The following AQR variants were observed in gnomAD, a reference collection of about 807,000 sequenced individuals.
The protein encoded by AQR is aquarius intron-binding spliceosomal factor.
In AQR, 61 loss-of-function variants were observed where a neutral mutation model predicts 180.5. The ratio of observed to expected loss-of-function variants is 0.34; its 90% CI spans 0.28 to 0.42. The LOEUF (loss-of-function observed/expected upper bound fraction) is 0.42, where lower values mean the gene tolerates loss of function less well. Ranked by LOEUF, AQR falls within the 10% of genes least tolerant of loss-of-function variation. The probability of loss-of-function intolerance (pLI) is 1.00; values close to 1 mark genes in which losing one functional copy is unlikely to be tolerated. For synonymous variants in AQR, 551 were observed against 588.8 expected (o/e 0.94, Z 0.93); for missense variants, 1,281 against 1,798.3 (o/e 0.71, Z 5.20).
chr15:34,964,369 G>A, intron 1 of AQR, 79 bp from the exon 2 acceptor site: 1 of 1,231,780 alleles, frequency 8.1e-7, no homozygotes, highest in Non-Finnish European at 1.2e-6. Flanking sequence ...TTAGTGATAA[G>A]CGGTTTCTTA....
intron 15 of AQR, among the ~76,000 whole-genome samples, chr15:34,915,389 A>G (rs1490136471): frequency 6.6e-6 from 1 of 151,554 alleles, no homozygotes; most frequent in African/African-American, 2.4e-5. Flanking sequence ...ACAGGGTTTC[A>G]CTATGTTGGC....
rs1453203410 is a variant in AQR, at chr15:34,855,649, T to G, written c.*1143A>C. On this transcript the variant is annotated 3_prime_UTR_variant, in exon 35 of 35. Transcript: ENST00000156471. ...TAATTCTACATTATAGCCTCATTCA[T>G]GTGAAGACAACACAGTAATCTTAGT... The G allele has an allele frequency of 1.3e-5, 2 of 152,144 alleles. No homozygotes were observed. 9.4% of individuals were successfully genotyped at this position (152,144 alleles called of 1,614,324 possible). A position where few individuals can be genotyped will look rare whatever the true frequency, so the allele number is the denominator to read the frequency against.
At chr15:34,912,063 T>G (rs1320111638) in intron 16 of AQR, among the ~76,000 whole-genome samples, 1 of 152,198 alleles carries the variant, frequency 6.6e-6, no homozygotes, top group Non-Finnish European at 1.5e-5. Flanking sequence ...TCTTGGCACA[T>G]GCATCGAAGA....
chr15:34,895,203 T>A lies in AQR; in HGVS notation c.2461-1430A>T, dbSNP rs867812164. On this transcript the variant is annotated intron_variant, in intron 22 of 34. Coordinates refer to ENST00000156471, the MANE Select transcript of AQR (RefSeq NM_014691.3). Reference sequence around the variant, plus strand: ...AAAAAAAAAAATATATATATATATATATATATATATATATATATGAAACAA... The same window carrying A: ...AAAAAAAAAAATATATATATATATAAATATATATATATATATATGAAACAA... Among the ~76,000 whole-genome samples, 218 of 69,406 alleles carry A rather than the reference T, an allele frequency of 3.1e-3. 3 individuals are homozygous for A. Among genetic ancestry groups the A allele is most frequent in the African/African-American group, 4.5e-3 (83 of 18,554 alleles). 45.5% of individuals were successfully genotyped at this position (69,406 alleles called of 152,430 possible). A position where few individuals can be genotyped will look rare whatever the true frequency, so the allele number is the denominator to read the frequency against.
intron 5 of AQR, among the ~76,000 whole-genome samples, chr15:34,946,559 G>A (rs561818094): frequency 4.9e-5 from 7 of 142,866 alleles, no homozygotes; most frequent in African/African-American, 1.0e-4. Context: ...CTGGCCAGCC[G>A]CCCCGTCCGG....
At chr15:34,937,940 T>C (rs1031417654) in intron 9 of AQR, among the ~76,000 whole-genome samples, 4 of 149,876 alleles carry the variant, frequency 2.7e-5, no homozygotes, top group African/African-American at 9.7e-5. Context: ...ATAATTTTAA[T>C]ATAGTATATA....
At chr15:34,899,061 T>A (rs1026527493) in intron 20 of AQR, among the ~76,000 whole-genome samples, 5 of 151,356 alleles carry the variant, frequency 3.3e-5, no homozygotes, top group Non-Finnish European at 5.9e-5. Context: ...TCCCAGCTAC[T>A]CCGGAGGCTG....
chr15:34,896,626 T>A (rs940022420), intron 22 of AQR, among the ~76,000 whole-genome samples: 2 of 150,782 alleles, frequency 1.3e-5, no homozygotes, highest in African/African-American at 4.9e-5. Flanking sequence ...GGCAGGTGGA[T>A]CACCTGAGGT....
chr15:34,914,959 T>C, intron 16 of AQR, 79 bp downstream of exon 16: 1 of 1,407,154 alleles, frequency 7.1e-7, no homozygotes, highest in South Asian at 1.6e-5. Context: ...TATTTCTAAA[T>C]ATACTTATAA....
At chr15:34,912,008 G>T (rs541053973) in intron 16 of AQR, among the ~76,000 whole-genome samples, 1 of 152,142 alleles carries the variant, frequency 6.6e-6, no homozygotes, top group South Asian at 2.1e-4. Context: ...TTTACAAGTA[G>T]ATATCTAGCT....
Position 34,944,369 on chromosome 15 carries a change from T to C in AQR, c.390A>G (p.Ala130=), listed in dbSNP as rs367871105. The C allele has an allele frequency of 5.3e-5, 86 of 1,611,168 alleles. No individual in the cohort carries two copies. The highest frequency in any genetic ancestry group is 7.6e-6 in the Non-Finnish European group (9 of 1,178,932). ...PFFFKHILKA[A]LAETDGEFSL... ...AAAATTCACCATCAGTTTCAGCTAA[T>C]GCCGCCTTCAAGATGTGTTTAAAAA... The change falls in exon 6 of 35, where the codon GCA becomes GCG. Residue 130 remains alanine (A), a synonymous_variant. Coordinates refer to ENST00000156471, the MANE Select transcript of AQR (RefSeq NM_014691.3).
chr15:34,884,555 C>T lies in AQR; in HGVS notation c.2997G>A (p.Arg999=). The part of the protein sequence containing the change: ...EDMEIAEGCF[R]HIKKIFTQLE... ...GCTGCGTAAAGATTTTCTTAATATG[C>T]CTGAAACATCCTTCAGCAATTTCCA... Residue 999 remains arginine, a synonymous_variant, in exon 26 of 35, where the codon AGG becomes AGA. Coordinates refer to ENST00000156471, the MANE Select transcript of AQR (RefSeq NM_014691.3). 1.3e-6 allele frequency: 2 copies of T among 1,598,990 alleles called. No individual in the cohort carries two copies. The highest frequency in any genetic ancestry group is 1.7e-6 in the Non-Finnish European group (2 of 1,175,584).
intron 27 of AQR, among the ~76,000 whole-genome samples, chr15:34,880,840 C>G (rs2140466401): frequency 6.6e-6 from 1 of 152,206 alleles, no homozygotes; most frequent in Admixed American, 6.5e-5. Flanking sequence ...AGGACAAAAT[C>G]TAAAAGAGTC....
At chr15:34,908,263 C>T (rs1595793615) in intron 17 of AQR, among the ~76,000 whole-genome samples, 1 of 152,196 alleles carries the variant, frequency 6.6e-6, no homozygotes, top group South Asian at 2.1e-4. Flanking sequence ...TGGTGAAACC[C>T]CGTCTCTACT....
chr15:34,865,278 T>C (rs1217683147), intron 32 of AQR, among the ~76,000 whole-genome samples: 4 of 152,118 alleles, frequency 2.6e-5, no homozygotes, highest in South Asian at 2.1e-4. Flanking sequence ...TGCATTTCTA[T>C]TGGTAGCTAG....
At chr15:34,911,442 T>G (rs1175994551) in intron 16 of AQR, among the ~76,000 whole-genome samples, 1 of 152,186 alleles carries the variant, frequency 6.6e-6, no homozygotes, top group East Asian at 1.9e-4. Context: ...CTCCACATCC[T>G]TGCAAACACT....
rs1305403074 is a variant in AQR at position 34,964,235 on chromosome 15, T to G, written c.131A>C (p.Lys44Thr). 1 of 1,600,468 alleles carries G rather than the reference T, an allele frequency of 6.2e-7. No homozygotes were observed. Among genetic ancestry groups the G allele is most frequent in the Admixed American group, 1.7e-5 (1 of 59,516 alleles). The change falls in exon 2 of 35, where the codon AAG (lysine) becomes ACG (threonine). Residue 44 changes from lysine to threonine, a missense_variant and splice_region_variant. Transcript: ENST00000156471. ...HIKKKSPFDI[K>T]VIEDIYEKEI... is the part of the protein sequence containing the mutation. Reference sequence around the variant, plus strand: ...TATGTTGAAACCAAAAATACTTACCTTTATATCAAAAGGTGATTTCTTCTT... The same window carrying G: ...TATGTTGAAACCAAAAATACTTACCGTTATATCAAAAGGTGATTTCTTCTT...
chr15:34,916,882 CAAAAAAAAA>C (rs71119988), intron 15 of AQR, among the ~76,000 whole-genome samples: 18 of 79,230 alleles, frequency 2.3e-4, no homozygotes, highest in African/African-American at 8.6e-4. Flanking sequence ...TTCAGCAGAA[CAAAAAAAAA>C]AAAAAAAAAA....
In AQR at chr15:34,967,557, A is replaced by C. The variant is rs539997233; in HGVS notation, c.75+1982T>G. 9.8e-5 allele frequency among the ~76,000 whole-genome samples: 15 copies of C among 152,292 alleles called. No individual in the cohort carries two copies. The South Asian group carries it at 2.9e-3, about 29-fold the overall frequency. On this transcript the variant is annotated intron_variant, in intron 1 of 34. Transcript: ENST00000156471. ...GAAAAGCCTCTCTAAAGTAGTGTAG[A>C]AGGCTGAGAATGAATAAAGGAAGGT...
Sources: allele counts gnomAD v4.1 joint callset (sites outside exome capture counted in the v4.1 genomes callset), GRCh38; gene constraint gnomAD v4.1.1; transcripts MANE v1.5; gene names NCBI Gene and HGNC (gene_info 2026-07-23, HGNC 2026-07-21).